HMBOX1: variants seen among roughly 807,000 people sequenced by gnomAD.
HMBOX1 encodes the protein homeobox-containing protein 1.
HMBOX1 carries 14 observed loss-of-function variants against 54.5 expected under a neutral mutation model. The ratio of observed to expected loss-of-function variants is 0.26; its 90% CI spans 0.17 to 0.40. The LOEUF (loss-of-function observed/expected upper bound fraction) is 0.40, where lower values mean the gene tolerates loss of function less well. Among genes scored for constraint, HMBOX1 ranks in the 10% least tolerant of loss-of-function variants. The pLI, the probability that HMBOX1 is intolerant of heterozygous loss-of-function variation, is 1.00. For missense variants in HMBOX1, 332 were observed against 514.4 expected, an observed-to-expected ratio of 0.65 and a Z score of 3.43; for synonymous variants, 160 against 181.0, an observed-to-expected ratio of 0.88 and a Z score of 0.93.
chr8:29,039,058 T>G (rs1400176921), intron 6 of HMBOX1, among the ~76,000 whole-genome samples: 1 of 152,170 alleles, frequency 6.6e-6, no homozygotes, highest in Non-Finnish European at 1.5e-5. Context: ...CCCTTGCTCT[T>G]TCTTCAAGAC....
chr8:28,991,126 A>G (rs1430801120), intron 4 of HMBOX1, among the ~76,000 whole-genome samples: 1 of 152,000 alleles, frequency 6.6e-6, no homozygotes, highest in Non-Finnish European at 1.5e-5. Flanking sequence ...TATTATAGTG[A>G]TTATCTTACA....
intron 6 of HMBOX1, among the ~76,000 whole-genome samples, chr8:29,041,820 C>T (rs7464814): frequency 3.9e-5 from 6 of 151,990 alleles, no homozygotes; most frequent in South Asian, 2.1e-4. Flanking sequence ...AGGTTGTTTG[C>T]GGGGGGACTT....
At chr8:28,947,507 A>T (rs1822682223) in intron 1 of HMBOX1, among the ~76,000 whole-genome samples, 1 of 152,184 alleles carries the variant, frequency 6.6e-6, no homozygotes, top group African/African-American at 2.4e-5. Context: ...AAATTGACTG[A>T]TGATGCATCA....
chr8:28,980,242 C>A, intron 4 of HMBOX1, 86 bp downstream of exon 4: 3 of 965,038 alleles, frequency 3.1e-6, no homozygotes, highest in South Asian at 1.3e-5. Context: ...TGCATTTCTG[C>A]ATTGCAGTGC....
At chr8:28,990,627 AT>A (rs1387809117) in intron 4 of HMBOX1, among the ~76,000 whole-genome samples, 1 of 151,404 alleles carries the variant, frequency 6.6e-6, no homozygotes. Flanking sequence ...TGTTCTTTCT[AT>A]TTTTTTGTTT....
rs144721983 is a variant in HMBOX1 at position 29,003,774 on chromosome 8, G to T, written c.587-5298G>T. The stretch of plus-strand genomic sequence containing the variant: ...TTAACTTAAATTTAAACATAATTCT[G>T]CTTGCACTGTGGAAGGCGAATTATA... On this transcript the variant is annotated intron_variant, in intron 4 of 9. Coordinates refer to ENST00000287701, the MANE Select transcript of HMBOX1 (RefSeq NM_001135726.3). 8.1e-3 allele frequency among the ~76,000 whole-genome samples: 1,231 copies of T among 151,650 alleles called. 15 individuals are homozygous for T. Among genetic ancestry groups the T allele is most frequent in the African/African-American group, 0.029 (1,190 of 41,356 alleles).
chr8:28,920,416 T>C (rs546812256), intron 1 of HMBOX1, among the ~76,000 whole-genome samples: 14 of 152,334 alleles, frequency 9.2e-5, no homozygotes, highest in Non-Finnish European at 1.6e-4. Flanking sequence ...AGTTTAAATA[T>C]ATTACATTTT....
intron 6 of HMBOX1, among the ~76,000 whole-genome samples, chr8:29,030,186 T>G (rs1424099182): frequency 6.6e-6 from 1 of 151,838 alleles, no homozygotes; most frequent in Non-Finnish European, 1.5e-5. Context: ...CCAGTTTTTT[T>G]TTTTTTTTTC....
chr8:29,001,633 C>G (rs960845815), intron 4 of HMBOX1, among the ~76,000 whole-genome samples: 2 of 152,106 alleles, frequency 1.3e-5, no homozygotes, highest in Non-Finnish European at 2.9e-5. Flanking sequence ...ACAAGAGGGA[C>G]TTTTCAAGGG....
At chr8:28,992,636 C>T (rs1831153489) in intron 4 of HMBOX1, among the ~76,000 whole-genome samples, 1 of 151,838 alleles carries the variant, frequency 6.6e-6, no homozygotes, top group Non-Finnish European at 1.5e-5. Context: ...TCTGGGAATC[C>T]GAGTGGGGTG....
chr8:28,926,322 C>CACAT (rs1198135531), intron 1 of HMBOX1, among the ~76,000 whole-genome samples: 1 of 150,658 alleles, frequency 6.6e-6, no homozygotes, highest in African/African-American at 2.5e-5. Context: ...CACACACACA[C>CACAT]ATATATTTTA....
chr8:28,922,366 G>A lies in HMBOX1; in HGVS notation c.-58+31688G>A, dbSNP rs181078248. On this transcript the variant is annotated intron_variant, in intron 1 of 9. Coordinates refer to ENST00000287701, the MANE Select transcript of HMBOX1 (RefSeq NM_001135726.3). ...TTTGATGTCTGTGGGGAGGTGGGAC[G>A]GAGGGTGGTCCTGAAACCAATCGCC... Among the ~76,000 whole-genome samples the A allele has an allele frequency of 4.5e-3, 691 of 152,266 alleles. 2 individuals carry two copies. Among genetic ancestry groups the A allele is most frequent in the Non-Finnish European group, 5.8e-3 (396 of 68,018 alleles).
At chr8:28,965,533 G>T (rs1446861105) in intron 2 of HMBOX1, among the ~76,000 whole-genome samples, 1 of 152,274 alleles carries the variant, frequency 6.6e-6, no homozygotes, top group Non-Finnish European at 1.5e-5. Context: ...ATGAAAGGAG[G>T]CCTCTGTGTT....
intron 4 of HMBOX1, among the ~76,000 whole-genome samples, chr8:29,008,523 G>A (rs1285519067): frequency 1.3e-5 from 2 of 152,016 alleles, no homozygotes; most frequent in African/African-American, 2.4e-5. Flanking sequence ...TAATGGTAAT[G>A]ACTCTAAAAA....
rs150216830 is a variant in HMBOX1, at chr8:28,977,666, C to T, written c.501-2405C>T. Among the ~76,000 whole-genome samples the T allele has an allele frequency of 3.1e-4, 47 of 152,184 alleles. 1 individual carries two copies. The highest frequency in any genetic ancestry group is 9.8e-4 in the Admixed American group (15 of 15,292). On this transcript the variant is annotated intron_variant, in intron 3 of 9. Coordinates refer to ENST00000287701, the MANE Select transcript of HMBOX1 (RefSeq NM_001135726.3). Reference sequence around the variant, plus strand: ...TGTCAAAGAAATATTTCAGGCCGGGCGCGGTGGCTCACGCCTGTAATCCCA... The same window carrying T: ...TGTCAAAGAAATATTTCAGGCCGGGTGCGGTGGCTCACGCCTGTAATCCCA...
chr8:28,971,899 A>G (rs1055334881), intron 3 of HMBOX1, among the ~76,000 whole-genome samples: 1 of 152,192 alleles, frequency 6.6e-6, no homozygotes, highest in Non-Finnish European at 1.5e-5. Context: ...AGAAACTGTA[A>G]CAGGAATTTG....
At chr8:28,911,607 C>T (rs1023332242) in intron 1 of HMBOX1, among the ~76,000 whole-genome samples, 4 of 152,082 alleles carry the variant, frequency 2.6e-5, no homozygotes, top group South Asian at 2.1e-4. Flanking sequence ...CCACCCACCT[C>T]GGCCTCCCAA....
At chr8:28,913,400 G>T (rs750703879) in intron 1 of HMBOX1, among the ~76,000 whole-genome samples, 4 of 152,062 alleles carry the variant, frequency 2.6e-5, no homozygotes, top group Non-Finnish European at 5.9e-5. Context: ...CCCACATGCT[G>T]TTCTCTCTAA....
intron 3 of HMBOX1, among the ~76,000 whole-genome samples, chr8:28,976,998 C>T (rs184596802): frequency 1.3e-5 from 2 of 152,222 alleles, no homozygotes; most frequent in Non-Finnish European, 2.9e-5. Context: ...CGTGACCCAC[C>T]GTGCCTGGCT....
Sources: gnomAD v4.1 joint callset for allele counts (sites outside exome capture counted in the v4.1 genomes callset) on GRCh38, gnomAD v4.1.1 for gene constraint, MANE v1.5 for transcripts, NCBI Gene and HGNC (gene_info 2026-07-23, HGNC 2026-07-21) for gene names.